CA8: variants seen among roughly 807,000 people sequenced by gnomAD.
CA8 encodes the protein carbonic anhydrase-related protein.
CA8 carries 22 observed loss-of-function variants against 41.4 expected under a neutral mutation model. That is an observed-to-expected ratio of 0.53 (90% CI 0.38 to 0.76). CA8 has a LOEUF of 0.76. CA8 is among the 30% of genes least tolerant of loss of function. The pLI is 0.00. For synonymous variants in CA8, 121 were observed against 130.6 expected (o/e 0.93, Z 0.50); for missense variants, 270 against 352.8 (o/e 0.77, Z 1.88).
intron 8 of CA8, among the ~76,000 whole-genome samples, chr8:60,194,711 G>A (rs907197528): frequency 3.9e-5 from 6 of 152,058 alleles, no homozygotes; most frequent in African/African-American, 1.4e-4. Context: ...CCAATTCCTG[G>A]GAATTTGAGA....
chr8:60,190,554 A>G (rs563958379), intron 8 of CA8, among the ~76,000 whole-genome samples: 1 of 148,904 alleles, frequency 6.7e-6, no homozygotes, highest in Non-Finnish European at 1.5e-5. Flanking sequence ...TTTTAGTTCA[A>G]TGATACTGAA....
rs368380583 is a variant in CA8 at position 60,208,768 on chromosome 8, G to C, written c.*17C>G. ...GACATACCCTCATGAAGACAGACTTGTTCCTGTCCTCTTTGGCTACTGAAA... is the reference window on the plus strand; with the variant it reads ...GACATACCCTCATGAAGACAGACTTCTTCCTGTCCTCTTTGGCTACTGAAA... On this transcript the variant is annotated 3_prime_UTR_variant, in exon 8 of 9. Transcript: ENST00000317995. 1.9e-5 allele frequency: 31 copies of C among 1,613,928 alleles called. No individual in the cohort carries two copies. Among genetic ancestry groups the C allele is most frequent in the Non-Finnish European group, 2.5e-5 (29 of 1,179,976 alleles).
At position 60,257,218 on chromosome 8, in the gene CA8, T is replaced by C. The variant is rs1021042396; in HGVS notation, c.417+8707A>G. On this transcript the variant is annotated intron_variant, in intron 3 of 8. Coordinates refer to ENST00000317995, the MANE Select transcript of CA8 (RefSeq NM_004056.6). The stretch of plus-strand genomic sequence containing the variant: ...CTCTCGAACTCCTAACCTCAGGTGA[T>C]CTGCCTGCCTCAGCCTCCCAAAGTG... 1.3e-5 allele frequency among the ~76,000 whole-genome samples: 2 copies of C among 152,184 alleles called. 1 individual carries two copies. The highest frequency in any genetic ancestry group is 1.3e-4 in the Admixed American group (2 of 15,282).
chr8:60,270,014 G>A (rs7010642), intron 2 of CA8, among the ~76,000 whole-genome samples: 19 of 152,304 alleles, frequency 1.2e-4, no homozygotes, highest in African/African-American at 4.6e-4. Context: ...GAAATATTCT[G>A]AGACATGAAG....
intron 8 of CA8, among the ~76,000 whole-genome samples, chr8:60,194,152 A>G (rs1222410077): frequency 6.6e-6 from 1 of 152,042 alleles, no homozygotes; most frequent in African/African-American, 2.4e-5. Context: ...TACCTCTCCA[A>G]ATATATGAGT....
intron 8 of CA8, among the ~76,000 whole-genome samples, chr8:60,204,008 G>A (rs1806505794): frequency 6.6e-6 from 1 of 152,110 alleles, no homozygotes; most frequent in Non-Finnish European, 1.5e-5. Flanking sequence ...CCCTGTCCAG[G>A]CAGGTTCCCA....
intron 7 of CA8, among the ~76,000 whole-genome samples, chr8:60,219,214 A>G (rs922621739): frequency 3.3e-5 from 5 of 150,216 alleles, no homozygotes; most frequent in Admixed American, 1.3e-4. Context: ...CCTGGAGTGC[A>G]GTGGCACAAT....
chr8:60,195,868 G>A (rs982011196), intron 8 of CA8, among the ~76,000 whole-genome samples: 2 of 152,146 alleles, frequency 1.3e-5, no homozygotes, highest in African/African-American at 2.4e-5. Context: ...GGTCATGAGA[G>A]AAGGAAACAG....
intron 7 of CA8, among the ~76,000 whole-genome samples, chr8:60,216,577 A>AG (rs1330576660): frequency 6.6e-6 from 1 of 152,186 alleles, no homozygotes; most frequent in Non-Finnish European, 1.5e-5. Context: ...GCATGACTTT[A>AG]GTAGGTTAGG....
chr8:60,256,354 T>C (rs913291821), intron 3 of CA8, among the ~76,000 whole-genome samples: 1 of 152,178 alleles, frequency 6.6e-6, no homozygotes, highest in East Asian at 1.9e-4. Context: ...CCACTCTCCC[T>C]GACTAAGAAT....
intron 3 of CA8, among the ~76,000 whole-genome samples, chr8:60,251,579 C>A (rs1165420041): frequency 6.6e-6 from 1 of 152,198 alleles, no homozygotes; most frequent in Non-Finnish European, 1.5e-5. Flanking sequence ...GCAGTTCATG[C>A]ATAACACTAT....
At chr8:60,190,501 C>T (rs867214683) in intron 8 of CA8, among the ~76,000 whole-genome samples, 4 of 126,104 alleles carry the variant, frequency 3.2e-5, no homozygotes, top group Middle Eastern at 4.9e-3. Context: ...TTTGAGATAA[C>T]AAATAATGTG....
chr8:60,213,163 A>G (rs968098993), intron 7 of CA8, among the ~76,000 whole-genome samples: 2 of 151,836 alleles, frequency 1.3e-5, no homozygotes, highest in African/African-American at 2.4e-5. Context: ...TCATAAACCA[A>G]CTCTCACTCT....
intron 8 of CA8, among the ~76,000 whole-genome samples, chr8:60,202,659 T>C (rs895935282): frequency 1.3e-5 from 2 of 152,220 alleles, no homozygotes; most frequent in Non-Finnish European, 2.9e-5. Flanking sequence ...CTAAAGGGCA[T>C]GTGGAGGAGA....
chr8:60,274,682 G>A (rs183443644), intron 2 of CA8, among the ~76,000 whole-genome samples: 4 of 152,214 alleles, frequency 2.6e-5, no homozygotes, highest in East Asian at 1.9e-4. Flanking sequence ...ACGTAGCACC[G>A]AAGCACCATG....
intron 7 of CA8, among the ~76,000 whole-genome samples, chr8:60,215,526 T>G (rs1265028981): frequency 1.3e-5 from 2 of 152,130 alleles, no homozygotes; most frequent in African/African-American, 2.4e-5. Flanking sequence ...CTTACTCGTG[T>G]AACCAAATAC....
chr8:60,238,578 C>A (rs987056630), intron 3 of CA8, among the ~76,000 whole-genome samples: 3 of 152,140 alleles, frequency 2.0e-5, no homozygotes, highest in Non-Finnish European at 4.4e-5. Flanking sequence ...GACCTGGGAC[C>A]CCCGTGCCTT....
At chr8:60,273,676 C>T (rs542092430) in intron 2 of CA8, among the ~76,000 whole-genome samples, 1 of 152,346 alleles carries the variant, frequency 6.6e-6, no homozygotes, top group African/African-American at 2.4e-5. Context: ...TGTCAGGGAA[C>T]TGTGTGGCCC....
chr8:60,229,315 G>C (rs937111256), intron 4 of CA8, among the ~76,000 whole-genome samples: 1 of 152,128 alleles, frequency 6.6e-6, no homozygotes, highest in South Asian at 2.1e-4. Context: ...TCTTTTGCAG[G>C]CCTTTCAAGT....
Sources: gnomAD v4.1 joint callset for allele counts (sites outside exome capture counted in the v4.1 genomes callset) on GRCh38, gnomAD v4.1.1 for gene constraint, MANE v1.5 for transcripts, NCBI Gene and HGNC (gene_info 2026-07-23, HGNC 2026-07-21) for gene names.